Variants in USP9X observed in about 807,000 individuals in gnomAD.
USP9X encodes ubiquitin carboxyl-terminal hydrolase 9X.
In USP9X, 7 loss-of-function variants were observed where a neutral mutation model predicts 190.3. That is an observed-to-expected ratio of 0.04 (90% CI 0.02 to 0.07). USP9X has a LOEUF of 0.07. Ranked by LOEUF, USP9X falls within the 10% of genes least tolerant of loss-of-function variation. The pLI, the probability that USP9X is intolerant of heterozygous loss-of-function variation, is 1.00. For synonymous variants in USP9X, 645 were observed against 659.5 expected, an observed-to-expected ratio of 0.98 and a Z score of 0.34; for missense variants, 1,010 against 1,916.9, an observed-to-expected ratio of 0.53 and a Z score of 8.83.
chrX:41,155,620 A>C (rs768810816), intron 14 of USP9X, among the ~76,000 whole-genome samples: 1 of 111,671 alleles, frequency 9.0e-6, no homozygotes, highest in Non-Finnish European at 1.9e-5. Flanking sequence ...TTTCCACACA[A>C]AAAGATTGCT....
chrX:41,152,146 T>C (rs1472974466), intron 13 of USP9X, among the ~76,000 whole-genome samples: 2 of 112,288 alleles, frequency 1.8e-5, no homozygotes, highest in Non-Finnish European at 3.8e-5. Flanking sequence ...CTCACTTTTT[T>C]CCCTAAGGCT....
At chrX:41,107,764 C>CT (rs2062081137) in intron 1 of USP9X, among the ~76,000 whole-genome samples, 1 of 111,554 alleles carries the variant, frequency 9.0e-6, no homozygotes, top group African/African-American at 3.3e-5. Flanking sequence ...TTTGCTGATT[C>CT]TTTGTTCCGA....
chrX:41,206,439 C>A (rs766954221), intron 32 of USP9X, among the ~76,000 whole-genome samples: 1 of 111,973 alleles, frequency 8.9e-6, no homozygotes, highest in Non-Finnish European at 1.9e-5. Context: ...TGGTAATGAT[C>A]TTGATTATTC....
chrX:41,230,322 A>T (rs1024337806), intron 43 of USP9X, among the ~76,000 whole-genome samples, 179 bp from the exon 44 acceptor site: 12 of 89,181 alleles, frequency 1.3e-4, no homozygotes, highest in African/African-American at 4.9e-4. Context: ...AATGCAAATC[A>T]GGTTTTTTGT....
intron 12 of USP9X, 75 bp from the exon 13 acceptor site, chrX:41,150,846 A>G: frequency 1.0e-6 from 1 of 965,377 alleles, no homozygotes; most frequent in Non-Finnish European, 1.4e-6. Flanking sequence ...TTTATTTTAT[A>G]ATTCTCAAAA....
intron 1 of USP9X, among the ~76,000 whole-genome samples, chrX:41,120,869 C>T (rs1417781818): frequency 4.9e-5 from 5 of 102,070 alleles, no homozygotes; most frequent in South Asian, 4.6e-4. Context: ...GACAGGGTCT[C>T]GCTGTGTTGC....
intron 28 of USP9X, 33 bp from the exon 29 acceptor site, chrX:41,197,331 T>TGGCCCCCCCCCCCCCC: frequency 2.1e-6 from 1 of 486,761 alleles, no homozygotes. Context: ...TTTGATTTCT[T>TGGCCCCCCCCCCCCCC]CCCCCCCCCA....
intron 21 of USP9X, among the ~76,000 whole-genome samples, chrX:41,183,671 T>C (rs2062848032): frequency 8.9e-6 from 1 of 111,852 alleles, no homozygotes; most frequent in East Asian, 2.8e-4. Context: ...TTTCTTGTTA[T>C]TTTCAGTCAG....
chrX:41,132,985 A>G (rs2062337153), intron 4 of USP9X, among the ~76,000 whole-genome samples: 2 of 111,767 alleles, frequency 1.8e-5, no homozygotes, highest in Non-Finnish European at 3.8e-5. Context: ...CTTTCAATTC[A>G]TTTTTTAAGA....
chrX:41,141,217 G>T lies in USP9X; in HGVS notation c.1022G>T (p.Arg341Ile). Residue 341 changes from arginine to isoleucine, a missense_variant and splice_region_variant, in exon 8 of 45, where the codon AGA (arginine) becomes ATA (isoleucine). Physicochemically the swap from Arg to Ile is moderately conservative, Grantham distance 97. This residue lies in a region of USP9X where 39 missense variants were observed against 132.4 expected (regional missense o/e 0.29). Coordinates refer to ENST00000378308, the MANE Select transcript of USP9X (RefSeq NM_001039591.3). ...LEIFRLKMILRLLQISSFNGK... is the reference protein window; with the variant it reads ...LEIFRLKMILILLQISSFNGK... ...ATATTTAGGTTAAAAATGATACTTA[G>T]GTAAGATACTTACCTCTTGAAATAA... 1 of 1,188,891 alleles carries T rather than the reference G, an allele frequency of 8.4e-7. No individual in the cohort carries two copies. Among genetic ancestry groups the T allele is most frequent in the South Asian group, 1.9e-5 (1 of 52,224 alleles).
chrX:41,225,497 C>T (rs1478822849), intron 41 of USP9X, among the ~76,000 whole-genome samples: 1 of 111,795 alleles, frequency 8.9e-6, no homozygotes, highest in Non-Finnish European at 1.9e-5. Context: ...CTTGAAGCAA[C>T]TTAGTCATTA....
At chrX:41,156,423 A>G (rs151330727) in intron 14 of USP9X, among the ~76,000 whole-genome samples, 132 of 112,019 alleles carry the variant, frequency 1.2e-3, no homozygotes, top group African/African-American at 4.0e-3. Context: ...CGTATGTGGC[A>G]GAAGCTCTGT....
chrX:41,192,009 T>G (rs2062940908), intron 26 of USP9X, among the ~76,000 whole-genome samples: 1 of 111,371 alleles, frequency 9.0e-6, no homozygotes, highest in African/African-American at 3.3e-5. Flanking sequence ...CTCCTCATGG[T>G]CTACCCTGAT....
intron 2 of USP9X, among the ~76,000 whole-genome samples, chrX:41,125,930 A>G (rs1396687016): frequency 9.0e-6 from 1 of 111,203 alleles, no homozygotes; most frequent in Admixed American, 9.5e-5. Context: ...CTTACCTTCT[A>G]TAGAGGTAAG....
In USP9X at chrX:41,168,053, A is replaced by G. The variant is rs1276418693; in HGVS notation, c.2471A>G (p.Lys824Arg). ...ATTCAGTCTTGTTTTGATCGTCTGA[A>G]GGCTTCCTATGACACATTGTGTGTT... is the stretch of plus-strand genomic sequence containing the variant. ...DFIQSCFDRLKASYDTLCVLD... is the reference protein window; with the variant it reads ...DFIQSCFDRLRASYDTLCVLD... Residue 824 changes from lysine (K) to arginine (R), a missense_variant, in exon 18 of 45, where the codon AAG (lysine) becomes AGG (arginine). By Grantham distance (26) the Lys-to-Arg change is conservative. Transcript: ENST00000378308. 1 of 1,211,160 alleles carries G rather than the reference A, an allele frequency of 8.3e-7. No individual in the cohort carries two copies. Among genetic ancestry groups the G allele is most frequent in the East Asian group, 3.0e-5 (1 of 33,823 alleles).
intron 1 of USP9X, among the ~76,000 whole-genome samples, chrX:41,100,955 T>TTAGC (rs1370889425): frequency 1.8e-5 from 2 of 111,303 alleles, no homozygotes; most frequent in Non-Finnish European, 3.8e-5. Context: ...TTAAAGATGA[T>TTAGC]CATCCCTTGC....
At chrX:41,192,051 C>G (rs2062941480) in intron 26 of USP9X, among the ~76,000 whole-genome samples, 1 of 111,668 alleles carries the variant, frequency 9.0e-6, no homozygotes, top group African/African-American at 3.3e-5. Context: ...CCTGGACAAT[C>G]ATAGTATCCT....
intron 20 of USP9X, 172 bp from the exon 21 acceptor site, chrX:41,171,666 C>A: frequency 3.6e-6 from 2 of 561,736 alleles, no homozygotes; most frequent in Non-Finnish European, 6.0e-6. Flanking sequence ...TGTATTTGAT[C>A]TGCACTATTA....
rs1407518245 is a variant in USP9X, at chrX:41,165,861, G to GT, written c.1986-5dup. ...ATAAATCTAATTGCCAATTTTCAAT[G>GT]TTTTTTCAAGATTTTTATTGAAGGA... On this transcript the variant is annotated splice_polypyrimidine_tract_variant and intron_variant, in intron 15 of 44. Transcript: ENST00000378308. The GT allele has an allele frequency of 1.7e-6, 2 of 1,197,479 alleles. No individual in the cohort carries two copies. Among genetic ancestry groups the GT allele is most frequent in the Admixed American group, 2.3e-5 (1 of 44,113 alleles).
Sources: allele counts gnomAD v4.1 joint callset (sites outside exome capture counted in the v4.1 genomes callset), GRCh38; gene constraint gnomAD v4.1.1; regional missense constraint gnomAD v4.1.1; transcripts MANE v1.5; gene names NCBI Gene and HGNC (gene_info 2026-07-23, HGNC 2026-07-21).